Variants in FAM13A observed in about 807,000 individuals in gnomAD.
FAM13A encodes protein FAM13A.
FAM13A carries 76 observed loss-of-function variants against 129.6 expected under a neutral mutation model. The ratio of observed to expected loss-of-function variants is 0.59; its 90% CI spans 0.49 to 0.71. FAM13A has a LOEUF of 0.71. Among genes scored for constraint, FAM13A ranks in the 30% least tolerant of loss-of-function variants. The pLI, the probability that FAM13A is intolerant of heterozygous loss-of-function variation, is 0.00. For missense variants in FAM13A, 1,108 were observed against 1,249.3 expected (o/e 0.89, Z 1.70); for synonymous variants, 443 against 449.9 (o/e 0.98, Z 0.20).
At chr4:88,952,201 TG>T (rs1384148659) in intron 4 of FAM13A, among the ~76,000 whole-genome samples, 9 of 152,036 alleles carry the variant, frequency 5.9e-5, no homozygotes, top group Non-Finnish European at 8.8e-5. Context: ...GCCGTTGAGA[TG>T]GAACAACCAG....
At chr4:88,965,075 C>A (rs1230543965) in intron 4 of FAM13A, among the ~76,000 whole-genome samples, 2 of 152,154 alleles carry the variant, frequency 1.3e-5, no homozygotes, top group African/African-American at 4.8e-5. Flanking sequence ...CGTCTTCTTT[C>A]CTTTTATAAT....
At chr4:88,753,135 A>G (rs568381566) in intron 14 of FAM13A, among the ~76,000 whole-genome samples, 3 of 152,342 alleles carry the variant, frequency 2.0e-5, no homozygotes, top group African/African-American at 7.2e-5. Flanking sequence ...ATCTAGCAGA[A>G]TATCTCCTTA....
At chr4:88,967,569 T>C (rs1759515304) in intron 4 of FAM13A, among the ~76,000 whole-genome samples, 1 of 152,206 alleles carries the variant, frequency 6.6e-6, no homozygotes, top group Admixed American at 6.5e-5. Context: ...TAATTTATAA[T>C]GTGAGCCCAT....
intron 5 of FAM13A, among the ~76,000 whole-genome samples, chr4:88,932,325 T>A (rs1362678491): frequency 6.6e-6 from 1 of 152,196 alleles, no homozygotes; most frequent in Non-Finnish European, 1.5e-5. Context: ...GAGGTTACTG[T>A]CAGTAGTAAA....
At chr4:88,731,603 A>G (rs1737810113) in intron 22 of FAM13A, 175 bp from the exon 23 acceptor site, 11 of 553,452 alleles carry the variant, frequency 2.0e-5, no homozygotes, top group Admixed American at 3.5e-5. Context: ...AAAGCCAAAC[A>G]TGCTGGCAAC....
chr4:88,808,076 A>G (rs536154783), intron 7 of FAM13A, among the ~76,000 whole-genome samples: 3 of 152,300 alleles, frequency 2.0e-5, no homozygotes, highest in Admixed American at 1.3e-4. Flanking sequence ...TTGGAAAGAA[A>G]ATGAGGGTAA....
intron 4 of FAM13A, among the ~76,000 whole-genome samples, chr4:88,959,317 T>C (rs879935236): frequency 2.0e-5 from 3 of 152,202 alleles, no homozygotes; most frequent in African/African-American, 7.2e-5. Flanking sequence ...TATTGAAATG[T>C]AATCTCCAGT....
At chr4:88,729,613 C>G (rs1050593335) in intron 23 of FAM13A, 2 of 152,208 alleles carry the variant, frequency 1.3e-5, no homozygotes, top group Non-Finnish European at 2.9e-5. Context: ...ATTGGAGCAT[C>G]TGGCACGCAG....
chr4:88,810,764 C>T (rs1729516104), intron 7 of FAM13A, among the ~76,000 whole-genome samples: 1 of 151,986 alleles, frequency 6.6e-6, no homozygotes, highest in African/African-American at 2.4e-5. Flanking sequence ...CATAAGCAGT[C>T]GAGATACAAT....
intron 14 of FAM13A, among the ~76,000 whole-genome samples, chr4:88,754,296 G>A (rs1239928731): frequency 2.0e-5 from 3 of 152,192 alleles, no homozygotes. Flanking sequence ...GGCCCTGGGG[G>A]AGTTCCAGTT....
At chr4:88,768,627 T>C (rs1187128245) in intron 11 of FAM13A, among the ~76,000 whole-genome samples, 1 of 152,140 alleles carries the variant, frequency 6.6e-6, no homozygotes, top group Non-Finnish European at 1.5e-5. Flanking sequence ...ATACTTCCAA[T>C]ATTATCTAGA....
intron 1 of FAM13A, 131 bp downstream of exon 1, chr4:89,056,807 G>A: frequency 1.2e-6 from 1 of 853,936 alleles, no homozygotes; most frequent in East Asian, 2.5e-5. Flanking sequence ...AGGAATTTAA[G>A]TAACAAATCT....
intron 9 of FAM13A, 30 bp from the exon 10 acceptor site, chr4:88,787,962 G>A (rs1414882503): frequency 6.3e-7 from 1 of 1,590,140 alleles, no homozygotes; most frequent in African/African-American, 1.3e-5. Flanking sequence ...AGTCATTCAA[G>A]CAGTCAAGTT....
At position 89,029,611 on chromosome 4, in the gene FAM13A, T is replaced by A. The variant is rs1768422882; in HGVS notation, c.66A>T (p.Lys22Asn). Residue 22 changes from lysine (K) to asparagine (N), a missense_variant, in exon 2 of 24, where the codon AAA (lysine) becomes AAT (asparagine). Transcript: ENST00000264344. ...CATTTAATGGCACTGCCACTATCTT[T>A]TTCATGTCTTCTTTCAGCCGAACCG... The part of the protein sequence containing the change: ...KAAVRLKEDM[K>N]KIVAVPLNEQ... 4.4e-6 allele frequency: 7 copies of A among 1,585,040 alleles called. No individual in the cohort carries two copies. The Admixed American group carries it at 7.9e-5, about 18-fold the overall frequency.
chr4:89,029,712 C>T, intron 1 of FAM13A, 63 bp from the exon 2 acceptor site: 1 of 1,298,462 alleles, frequency 7.7e-7, no homozygotes. Flanking sequence ...TGCATGGTTA[C>T]AACAGAAACA....
At chr4:88,730,674 G>T (rs987929324) in intron 23 of FAM13A, among the ~76,000 whole-genome samples, 1 of 152,156 alleles carries the variant, frequency 6.6e-6, no homozygotes, top group Non-Finnish European at 1.5e-5. Flanking sequence ...TTACAGGCGT[G>T]AGCCACCACG....
rs1335491974 is a variant in FAM13A at position 88,731,389 on chromosome 4, T to C, written c.2883A>G (p.Glu961=). The C allele has an allele frequency of 3.1e-6, 5 of 1,606,988 alleles. No homozygotes were observed. The highest frequency in any genetic ancestry group is 4.2e-6 in the Non-Finnish European group (5 of 1,179,472). ...GAAGTTTCTTTCGAATCCTTTTCTT[T>C]TCTTCTCTCATTTCCTGGAGGTGTT... The part of the protein sequence containing the change: ...LLEHLQEMRE[E]KKRIRKKLRD... Residue 961 remains glutamate (E), a synonymous_variant, in exon 23 of 24, where the codon GAA becomes GAG. Transcript: ENST00000264344.
At position 88,913,085 on chromosome 4, in the gene FAM13A, G is replaced by C. The variant is rs563569661; in HGVS notation, c.760-6623C>G. On this transcript the variant is annotated intron_variant, in intron 5 of 23. Transcript: ENST00000264344. ...AGAGAAGGAACAAGAGGAGGAGGAA[G>C]AAGAAGAAGAGGAGGAGGAGGAAGA... 1.5e-4 allele frequency among the ~76,000 whole-genome samples: 23 copies of C among 151,100 alleles called. No homozygotes were observed. The East Asian group carries it at 4.1e-3, about 27-fold the overall frequency.
intron 6 of FAM13A, among the ~76,000 whole-genome samples, chr4:88,881,493 G>C (rs1054224236): frequency 8.5e-5 from 13 of 152,168 alleles, no homozygotes; most frequent in African/African-American, 2.4e-5. Flanking sequence ...TTGAGCTCCA[G>C]ATCTTCCCTC....
Sources: gnomAD v4.1 joint callset for allele counts (sites outside exome capture counted in the v4.1 genomes callset) on GRCh38, gnomAD v4.1.1 for gene constraint, MANE v1.5 for transcripts, NCBI Gene and HGNC (gene_info 2026-07-23, HGNC 2026-07-21) for gene names.